The following RTF1 variants were observed in gnomAD, a reference collection of about 807,000 sequenced individuals.
RTF1 encodes RTF1 homolog, Paf1/RNA polymerase II complex component.
In RTF1, 10 loss-of-function variants were observed where a neutral mutation model predicts 95.7. The ratio of observed to expected loss-of-function variants is 0.10; its 90% CI spans 0.06 to 0.18. RTF1 has a LOEUF of 0.18. Among genes scored for constraint, RTF1 ranks in the 10% least tolerant of loss-of-function variants. RTF1 has a pLI of 1.00. For missense variants in RTF1, 458 were observed against 875.6 expected, an observed-to-expected ratio of 0.52 and a Z score of 6.02; for synonymous variants, 305 against 311.8, an observed-to-expected ratio of 0.98 and a Z score of 0.23.
intron 2 of RTF1, among the ~76,000 whole-genome samples, chr15:41,451,015 G>A (rs1472388021): frequency 6.6e-6 from 1 of 152,086 alleles, no homozygotes; most frequent in Non-Finnish European, 1.5e-5. Context: ...TAAACTAGCT[G>A]ACTGTTGTTC....
chr15:41,444,580 C>T (rs557824184), intron 2 of RTF1, among the ~76,000 whole-genome samples: 22 of 152,276 alleles, frequency 1.4e-4, no homozygotes, highest in African/African-American at 5.3e-4. Context: ...CAGGCGTGAC[C>T]ATCGCGGCCG....
Position 41,482,969 on chromosome 15 carries a change from T to C in RTF1, c.*2282T>C, listed in dbSNP as rs1566852483. 6.5e-6 allele frequency: 1 copy of C among 152,704 alleles called. No individual in the cohort carries two copies. Among genetic ancestry groups the C allele is most frequent in the Non-Finnish European group, 1.5e-5 (1 of 68,054 alleles). The allele number at this position is 152,704 out of a possible 1,614,324, so 9.5% of individuals were successfully genotyped here. A position where few individuals can be genotyped will look rare whatever the true frequency, so the allele number is the denominator to read the frequency against. ...CATTATGGCTGTGTAATAAAATTTT[T>C]ATTAAAACTGCATCACACTGTAGCC... On this transcript the variant is annotated 3_prime_UTR_variant, in exon 18 of 18. Transcript: ENST00000389629.
chr15:41,442,727 A>G (rs2050741965), intron 2 of RTF1, among the ~76,000 whole-genome samples: 1 of 152,012 alleles, frequency 6.6e-6, no homozygotes, highest in Non-Finnish European at 1.5e-5. Context: ...CTCTACTAAA[A>G]ATGCAAAAAT....
rs538201710 is a variant in RTF1 at position 41,460,412 on chromosome 15, C to T, written c.662+2536C>T. On this transcript the variant is annotated intron_variant, in intron 4 of 17. Transcript: ENST00000389629. ...TGCTGGAATTACAGGTGTGAGCCAC[C>T]GCGCTCGGCTTCAACATTTGTTTTG... Among the ~76,000 whole-genome samples the T allele has an allele frequency of 1.8e-4, 28 of 152,186 alleles. No homozygotes were observed. The South Asian group carries it at 2.5e-3, about 14-fold the overall frequency.
intron 9 of RTF1, 97 bp downstream of exon 9, chr15:41,474,799 G>C: frequency 1.1e-6 from 1 of 886,682 alleles, no homozygotes; most frequent in Non-Finnish European, 1.9e-6. Flanking sequence ...TTGTTACCAT[G>C]AACGCTATGT....
intron 16 of RTF1, 31 bp from the exon 17 acceptor site, chr15:41,480,183 C>T (rs2050964639): frequency 7.2e-7 from 1 of 1,393,874 alleles, no homozygotes; most frequent in Non-Finnish European, 1.0e-6. Context: ...CATTTATGCT[C>T]TTACCATTAG....
intron 3 of RTF1, among the ~76,000 whole-genome samples, chr15:41,456,014 C>T (rs905079253): frequency 6.6e-6 from 1 of 151,928 alleles, no homozygotes; most frequent in African/African-American, 2.4e-5. Context: ...AGTTCGAGAC[C>T]AGCTGGACCA....
chr15:41,448,531 G>A (rs548125231), intron 2 of RTF1, among the ~76,000 whole-genome samples: 55 of 151,968 alleles, frequency 3.6e-4, no homozygotes, highest in African/African-American at 1.3e-3. Flanking sequence ...CCCGGGTATA[G>A]TGGCTCTACT....
intron 2 of RTF1, among the ~76,000 whole-genome samples, chr15:41,444,328 C>G (rs1233130552): frequency 6.6e-6 from 1 of 151,102 alleles, no homozygotes; most frequent in Non-Finnish European, 1.5e-5. Flanking sequence ...GAGTCTTGCT[C>G]TGTCATCCAG....
chr15:41,454,378 G>A (rs1490700980), intron 3 of RTF1, among the ~76,000 whole-genome samples: 8 of 151,826 alleles, frequency 5.3e-5, no homozygotes, highest in South Asian at 2.1e-4. Context: ...GGTGTGAGCC[G>A]CCACACCCGG....
At chr15:41,470,492 C>G in intron 7 of RTF1, 100 bp downstream of exon 7, 1 of 1,252,334 alleles carries the variant, frequency 8.0e-7, no homozygotes, top group East Asian at 2.3e-5. Context: ...GCCACTAACT[C>G]TGACATGGTT....
chr15:41,430,265 T>C lies in RTF1; in HGVS notation c.199-8056T>C, dbSNP rs186879895. On this transcript the variant is annotated intron_variant, in intron 1 of 17. Coordinates refer to ENST00000389629, the MANE Select transcript of RTF1 (RefSeq NM_015138.5). ...GATCTCGGCTCACTGCAACCTCTGG[T>C]TCACTACAACCTCCACCTCCCGGGT... 2.4e-3 allele frequency among the ~76,000 whole-genome samples: 363 copies of C among 149,572 alleles called. 1 individual carries two copies. Among genetic ancestry groups the C allele is most frequent in the African/African-American group, 8.4e-3 (344 of 40,720 alleles).
chr15:41,422,242 G>T (rs1176516398), intron 1 of RTF1, among the ~76,000 whole-genome samples: 1 of 152,062 alleles, frequency 6.6e-6, no homozygotes, highest in Admixed American at 6.6e-5. Flanking sequence ...TGGCCAGACT[G>T]GTCTCTAACT....
chr15:41,468,681 G>A (rs1255123019), intron 6 of RTF1, among the ~76,000 whole-genome samples: 3 of 152,168 alleles, frequency 2.0e-5, no homozygotes, highest in African/African-American at 7.2e-5. Context: ...GGAAAGGCAA[G>A]ATAAATGCTT....
rs1455647514 is a variant in RTF1, at chr15:41,417,142, A to AGCAGCG, written c.30_35dup (p.Ala15_Ala16dup). The AGCAGCG allele has an allele frequency of 2.4e-6, 3 of 1,257,248 alleles. No homozygotes were observed. The highest frequency in any genetic ancestry group is 1.6e-5 in the African/African-American group (1 of 64,392). 77.9% of individuals were successfully genotyped at this position (1,257,248 alleles called of 1,614,324 possible). On this transcript the variant is annotated inframe_insertion, in exon 1 of 18. Transcript: ENST00000389629. ...TGCGCGGTCGCCTTTGTGTGGGTCG[A>AGCAGCG]GCAGCGGCGGCGGCGGCGGCAGTGG...
At chr15:41,458,029 A>G (rs996216214) in intron 4 of RTF1, among the ~76,000 whole-genome samples, 153 bp downstream of exon 4, 1 of 151,958 alleles carries the variant, frequency 6.6e-6, no homozygotes, top group Non-Finnish European at 1.5e-5. Flanking sequence ...GATGTATTAA[A>G]TTTCAATCAC....
intron 1 of RTF1, among the ~76,000 whole-genome samples, chr15:41,427,643 G>T (rs543968226): frequency 6.6e-6 from 1 of 152,154 alleles, no homozygotes; most frequent in East Asian, 1.9e-4. Context: ...TCACACAACT[G>T]CACTCCAGCC....
chr15:41,470,697 C>T (rs1368579362), intron 7 of RTF1, among the ~76,000 whole-genome samples: 17 of 121,086 alleles, frequency 1.4e-4, no homozygotes, highest in South Asian at 2.8e-4. Context: ...CTCGCTCTGT[C>T]GCCCAGGCTG....
chr15:41,474,729 T>G (rs2050933887), intron 9 of RTF1, 27 bp downstream of exon 9: 1 of 1,532,340 alleles, frequency 6.5e-7, no homozygotes, highest in African/African-American at 1.4e-5. Flanking sequence ...GGGTAGCTTC[T>G]GCTTCCACTT....
Sources: gnomAD v4.1 joint callset for allele counts (sites outside exome capture counted in the v4.1 genomes callset) on GRCh38, gnomAD v4.1.1 for gene constraint, MANE v1.5 for transcripts, NCBI Gene and HGNC (gene_info 2026-07-23, HGNC 2026-07-21) for gene names.